The following DHRS3 variants were observed in gnomAD, a reference collection of about 807,000 sequenced individuals.
DHRS3 encodes short-chain dehydrogenase/reductase 3.
In DHRS3, 14 loss-of-function variants were observed where a neutral mutation model predicts 27.2. The ratio of observed to expected loss-of-function variants is 0.52; its 90% CI spans 0.34 to 0.81. DHRS3 has a LOEUF of 0.81. Ranked by LOEUF, DHRS3 falls within the 30% of genes least tolerant of loss-of-function variation. DHRS3 has a pLI of 0.01. For missense variants in DHRS3, 322 were observed against 406.2 expected, an observed-to-expected ratio of 0.79 and a Z score of 1.78; for synonymous variants, 165 against 175.9, an observed-to-expected ratio of 0.94 and a Z score of 0.49.
At chr1:12,602,795 A>G (rs1206197219) in intron 1 of DHRS3, among the ~76,000 whole-genome samples, 1 of 152,256 alleles carries the variant, frequency 6.6e-6, no homozygotes, top group East Asian at 1.9e-4. Context: ...GAGGCCCCTC[A>G]TAATCTACAG....
At chr1:12,577,820 CT>C (rs1275516213) in intron 4 of DHRS3, among the ~76,000 whole-genome samples, 2 of 152,146 alleles carry the variant, frequency 1.3e-5, no homozygotes, top group African/African-American at 4.8e-5. Flanking sequence ...GAAACTCCAT[CT>C]CAATAAATAA....
Position 12,570,794 on chromosome 1 carries a change from AC to A in DHRS3, c.824+1933del, listed in dbSNP as rs767160229. On this transcript the variant is annotated intron_variant, in intron 5 of 5. Transcript: ENST00000616661. ...TAGAGACGGCTGAGGAGCATCTCAG[AC>A]CCGAGGTCAGGATGGACTGAGGGAG... Among the ~76,000 whole-genome samples, 142 of 152,270 alleles carry A rather than the reference AC, an allele frequency of 9.3e-4. 2 individuals are homozygous for A. Among genetic ancestry groups the A allele is most frequent in the Non-Finnish European group, 1.0e-3 (69 of 68,008 alleles).
chr1:12,609,577 A>T (rs1453778342), intron 1 of DHRS3, among the ~76,000 whole-genome samples: 1 of 152,196 alleles, frequency 6.6e-6, no homozygotes, highest in Non-Finnish European at 1.5e-5. Context: ...AGCTCTGGGA[A>T]GCTCTCAAAG....
At chr1:12,617,105 AC>A in intron 1 of DHRS3, 48 bp downstream of exon 1, 2 of 1,563,004 alleles carry the variant, frequency 1.3e-6, no homozygotes, top group Non-Finnish European at 1.7e-6. Context: ...AGGTGGGCTT[AC>A]CCCCGCCCCT....
intron 1 of DHRS3, among the ~76,000 whole-genome samples, chr1:12,583,493 TATCC>T (rs70987256): frequency 0.35 from 29,860 of 86,202 alleles, 4,759 homozygotes; most frequent in Middle Eastern, 0.4. Flanking sequence ...CTCACCTACT[TATCC>T]ATCCATCCAT....
At chr1:12,590,600 G>A (rs982516847) in intron 1 of DHRS3, among the ~76,000 whole-genome samples, 3 of 152,048 alleles carry the variant, frequency 2.0e-5, no homozygotes, top group Admixed American at 6.5e-5. Flanking sequence ...GTGAGCCACC[G>A]TGCCCGACCT....
chr1:12,616,158 G>A (rs1646943025), intron 1 of DHRS3, among the ~76,000 whole-genome samples: 1 of 152,244 alleles, frequency 6.6e-6, no homozygotes, highest in African/African-American at 2.4e-5. Context: ...GCGGCTCCAT[G>A]TCAGATCAGC....
At chr1:12,589,546 A>G (rs1349336051) in intron 1 of DHRS3, among the ~76,000 whole-genome samples, 1 of 151,514 alleles carries the variant, frequency 6.6e-6, no homozygotes, top group Non-Finnish European at 1.5e-5. Context: ...GCACCACCAC[A>G]CCCAGCTAAT....
intron 1 of DHRS3, among the ~76,000 whole-genome samples, chr1:12,610,479 C>A (rs137913015): frequency 6.6e-6 from 1 of 152,152 alleles, no homozygotes; most frequent in Admixed American, 6.5e-5. Context: ...TCCCTGCATG[C>A]CTTCAGTGCC....
chr1:12,602,288 T>C (rs1481182337), intron 1 of DHRS3, among the ~76,000 whole-genome samples: 1 of 152,206 alleles, frequency 6.6e-6, no homozygotes, highest in Non-Finnish European at 1.5e-5. Flanking sequence ...AAGGCCTATG[T>C]TGGACCAGCC....
rs1483791402 is a variant in DHRS3, at chr1:12,618,203, GTGGA to G, written c.-859_-856del. Reference sequence around the variant, plus strand: ...GAGAGGGTCCGGGTGTGGAGCGCGCGTGGATCGGACGCCTTGGTCTGCGCGGCCC... The same window carrying G: ...GAGAGGGTCCGGGTGTGGAGCGCGCGTCGGACGCCTTGGTCTGCGCGGCCC... On this transcript the variant is annotated 5_prime_UTR_variant, in exon 1 of 6. Coordinates refer to ENST00000616661, the MANE Select transcript of DHRS3 (RefSeq NM_004753.7). The surrounding 1 kb of genome is among the most constrained non-coding windows in gnomAD (Gnocchi z 4.2). 3.3e-5 allele frequency among the ~76,000 whole-genome samples: 5 copies of G among 151,196 alleles called. No homozygotes were observed. The South Asian group carries it at 8.4e-4, about 26-fold the overall frequency.
At chr1:12,580,913 C>G (rs1006181456) in intron 1 of DHRS3, among the ~76,000 whole-genome samples, 1 of 152,126 alleles carries the variant, frequency 6.6e-6, no homozygotes, top group Non-Finnish European at 1.5e-5. Flanking sequence ...GCCTCAAACT[C>G]CTGGGCTCAA....
At chr1:12,571,046 T>TG (rs1353826310) in intron 5 of DHRS3, among the ~76,000 whole-genome samples, 2 of 152,232 alleles carry the variant, frequency 1.3e-5, no homozygotes, top group African/African-American at 4.8e-5. Flanking sequence ...GGGGCCAGCC[T>TG]GGCACTTGGG....
chr1:12,606,979 T>C (rs1438831254), intron 1 of DHRS3, among the ~76,000 whole-genome samples: 1 of 152,180 alleles, frequency 6.6e-6, no homozygotes, highest in Non-Finnish European at 1.5e-5. Flanking sequence ...GCAAAGGTCA[T>C]GGCAATAGTT....
At chr1:12,590,975 C>T (rs1180537933) in intron 1 of DHRS3, among the ~76,000 whole-genome samples, 2 of 152,178 alleles carry the variant, frequency 1.3e-5, no homozygotes, top group Non-Finnish European at 2.9e-5. Flanking sequence ...AGTCTGCATG[C>T]TGTCAGGTAA....
intron 5 of DHRS3, among the ~76,000 whole-genome samples, chr1:12,570,654 TCTAGA>T (rs1205613721): frequency 6.6e-6 from 1 of 152,206 alleles, no homozygotes; most frequent in Non-Finnish European, 1.5e-5. Flanking sequence ...GCTGAGGTGT[TCTAGA>T]CCAACTTTTC....
intron 1 of DHRS3, among the ~76,000 whole-genome samples, 156 bp from the exon 2 acceptor site, chr1:12,580,822 T>C (rs900453311): frequency 7.9e-5 from 12 of 152,160 alleles, no homozygotes; most frequent in African/African-American, 2.7e-4. Context: ...AGATTAATAA[T>C]ATAACTTTTG....
At chr1:12,579,013 C>A (rs760411405) in intron 3 of DHRS3, 57 bp from the exon 4 acceptor site, 121 of 1,508,914 alleles carry the variant, frequency 8.0e-5, no homozygotes, top group Admixed American at 1.9e-4. Context: ...ACCCCTCCAC[C>A]TTTCTTTCGG....
In DHRS3 at chr1:12,586,116, G is replaced by GC. The variant is rs1421808650; in HGVS notation, c.196-5451dup. ...GGGAGAAAGACCTCTGGTCTCCGGGGCCCCGGGCTGTCCTGCCCTTGCCCA... is the reference window on the plus strand; with the variant it reads ...GGGAGAAAGACCTCTGGTCTCCGGGGCCCCCGGGCTGTCCTGCCCTTGCCCA... On this transcript the variant is annotated intron_variant, in intron 1 of 5. Transcript: ENST00000616661. This position sits in a 1 kb window ranked among gnomAD's most constrained non-coding sequence, Gnocchi z 5.0. 1.3e-5 allele frequency among the ~76,000 whole-genome samples: 2 copies of GC among 152,198 alleles called. No individual in the cohort carries two copies. Among genetic ancestry groups the GC allele is most frequent in the East Asian group, 3.9e-4 (2 of 5,188 alleles).
Sources: allele counts gnomAD v4.1 joint callset (sites outside exome capture counted in the v4.1 genomes callset), GRCh38; gene constraint gnomAD v4.1.1; non-coding constraint Gnocchi (gnomAD v3.1); transcripts MANE v1.5; gene names NCBI Gene and HGNC (gene_info 2026-07-23, HGNC 2026-07-21).